NCAM2: variants seen among roughly 807,000 people sequenced by gnomAD.
The protein encoded by NCAM2 is N-CAM-2.
NCAM2 carries 30 observed loss-of-function variants against 98.1 expected under a neutral mutation model. The ratio of observed to expected loss-of-function variants is 0.31; its 90% CI spans 0.23 to 0.41. The LOEUF (loss-of-function observed/expected upper bound fraction) is 0.41, where lower values mean the gene tolerates loss of function less well. Among genes scored for constraint, NCAM2 ranks in the 10% least tolerant of loss-of-function variants. The probability of loss-of-function intolerance (pLI) is 1.00; values close to 1 mark genes in which losing one functional copy is unlikely to be tolerated. For missense variants in NCAM2, 867 were observed against 1,005.8 expected (o/e 0.86, Z 1.87); for synonymous variants, 368 against 342.4 (o/e 1.07, Z -0.83).
intron 1 of NCAM2, among the ~76,000 whole-genome samples, chr21:21,272,510 A>ACGCGCG (rs58331043): frequency 1.9e-5 from 1 of 53,970 alleles, no homozygotes; most frequent in Non-Finnish European, 4.0e-5. Flanking sequence ...GCGCGCGCGC[A>ACGCGCG]CACACACACA....
intron 1 of NCAM2, among the ~76,000 whole-genome samples, chr21:21,103,629 T>C (rs1267650307): frequency 6.6e-6 from 1 of 152,086 alleles, no homozygotes; most frequent in African/African-American, 2.4e-5. Context: ...TACTTTTATA[T>C]GTGTGTTGCA....
In NCAM2 at chr21:21,278,373, A is replaced by G. The variant is rs551710753; in HGVS notation, c.56-2205A>G. ...ATTTTGCCTCTGTTGACCTCATTCC[A>G]CTTAAGCTAACTTCAAAAAGAAAAT... On this transcript the variant is annotated intron_variant, in intron 1 of 17. Coordinates refer to ENST00000400546, the MANE Select transcript of NCAM2 (RefSeq NM_004540.5). Among the ~76,000 whole-genome samples the G allele has an allele frequency of 3.9e-5, 6 of 152,224 alleles. No homozygotes were observed. In the East Asian group the frequency reaches 1.2e-3, roughly 29 times the overall value.
chr21:21,358,686 G>T (rs1041594384), intron 8 of NCAM2, among the ~76,000 whole-genome samples: 1 of 151,942 alleles, frequency 6.6e-6, no homozygotes, highest in African/African-American at 2.4e-5. Flanking sequence ...CTAGTATTAC[G>T]TGGTAGTTTT....
chr21:21,156,805 A>T (rs2146748641), intron 1 of NCAM2, among the ~76,000 whole-genome samples: 1 of 152,224 alleles, frequency 6.6e-6, no homozygotes, highest in African/African-American at 2.4e-5. Context: ...AGTTACAATT[A>T]CATGTGTAAT....
chr21:21,441,078 T>C (rs1201676913), intron 12 of NCAM2, among the ~76,000 whole-genome samples: 1 of 152,220 alleles, frequency 6.6e-6, no homozygotes, highest in Non-Finnish European at 1.5e-5. Context: ...CTCATCATAC[T>C]TCACTCTCAA....
intron 5 of NCAM2, among the ~76,000 whole-genome samples, chr21:21,317,203 C>T (rs1353767245): frequency 6.6e-6 from 1 of 152,178 alleles, no homozygotes; most frequent in African/African-American, 2.4e-5. Context: ...CCTTCCCCTT[C>T]TCCCACTCTC....
intron 1 of NCAM2, among the ~76,000 whole-genome samples, chr21:21,042,523 A>AT (rs1172626519): frequency 1.3e-5 from 2 of 152,198 alleles, no homozygotes; most frequent in South Asian, 2.1e-4. Context: ...TATAAGCCTC[A>AT]TTTTTCTGAA....
At chr21:21,354,084 A>T (rs2075409156) in intron 8 of NCAM2, among the ~76,000 whole-genome samples, 1 of 152,164 alleles carries the variant, frequency 6.6e-6, no homozygotes, top group African/African-American at 2.4e-5. Context: ...TATGTATATG[A>T]ATATAATGTT....
At chr21:21,110,488 TG>T (rs1263974747) in intron 1 of NCAM2, among the ~76,000 whole-genome samples, 3 of 151,808 alleles carry the variant, frequency 2.0e-5, no homozygotes, top group Admixed American at 2.0e-4. Context: ...TAGGGGACAC[TG>T]GGGACTCTAC....
chr21:21,537,100 A>G (rs1428683844), intron 17 of NCAM2, among the ~76,000 whole-genome samples: 1 of 151,972 alleles, frequency 6.6e-6, no homozygotes, highest in Non-Finnish European at 1.5e-5. Context: ...TTATTTTAAT[A>G]ATAATTATTA....
chr21:21,186,932 T>G (rs563875257), intron 1 of NCAM2, among the ~76,000 whole-genome samples: 159 of 152,238 alleles, frequency 1.0e-3, no homozygotes, highest in Middle Eastern at 3.4e-3. Flanking sequence ...AGGTATCCTT[T>G]TTTAAAAAAA....
chr21:21,274,779 A>G (rs558007242), intron 1 of NCAM2, among the ~76,000 whole-genome samples: 1 of 152,304 alleles, frequency 6.6e-6, no homozygotes, highest in Admixed American at 6.5e-5. Context: ...TCCCAAGATC[A>G]ATCAGTGTCT....
intron 1 of NCAM2, among the ~76,000 whole-genome samples, chr21:21,269,264 C>T (rs1350340241): frequency 6.6e-6 from 1 of 152,078 alleles, no homozygotes; most frequent in Non-Finnish European, 1.5e-5. Context: ...TGATTGGAGG[C>T]CTGAGAAACA....
intron 5 of NCAM2, among the ~76,000 whole-genome samples, chr21:21,301,801 G>A (rs893530136): frequency 6.6e-6 from 1 of 150,980 alleles, no homozygotes; most frequent in South Asian, 2.1e-4. Flanking sequence ...AGTGGGCGAA[G>A]GACATGAACA....
At chr21:21,037,426 G>A (rs1156413722) in intron 1 of NCAM2, among the ~76,000 whole-genome samples, 1 of 152,128 alleles carries the variant, frequency 6.6e-6, no homozygotes, top group South Asian at 2.1e-4. Context: ...CCAGTTAACA[G>A]TTTTAAGAAG....
intron 1 of NCAM2, among the ~76,000 whole-genome samples, chr21:21,104,681 G>A (rs1375775917): frequency 6.6e-6 from 1 of 152,070 alleles, no homozygotes; most frequent in Non-Finnish European, 1.5e-5. Flanking sequence ...GGGCCTGTCG[G>A]TGGGGTGCAT....
intron 1 of NCAM2, among the ~76,000 whole-genome samples, chr21:21,050,623 G>A (rs576958833): frequency 1.3e-5 from 2 of 152,130 alleles, no homozygotes; most frequent in South Asian, 2.1e-4. Flanking sequence ...ATTCATCTTC[G>A]GATTCCCAAC....
chr21:21,438,084 G>T (rs1466311566), intron 12 of NCAM2, among the ~76,000 whole-genome samples: 1 of 152,082 alleles, frequency 6.6e-6, no homozygotes, highest in Non-Finnish European at 1.5e-5. Context: ...CTCTGAAAAT[G>T]CAGGTACATA....
At chr21:21,502,209 T>C (rs1430774385) in intron 15 of NCAM2, among the ~76,000 whole-genome samples, 1 of 151,982 alleles carries the variant, frequency 6.6e-6, no homozygotes, top group Non-Finnish European at 1.5e-5. Flanking sequence ...TTTTGGGGTA[T>C]GTTTTACAAT....
Sources: allele counts gnomAD v4.1 joint callset (sites outside exome capture counted in the v4.1 genomes callset), GRCh38; gene constraint gnomAD v4.1.1; transcripts MANE v1.5; gene names NCBI Gene and HGNC (gene_info 2026-07-23, HGNC 2026-07-21).